TNIP1: variants seen among roughly 807,000 people sequenced by gnomAD.
TNIP1 encodes TNFAIP3-interacting protein 1.
A neutral mutation model predicts 86.6 loss-of-function variants in TNIP1; 22 were observed. The ratio of observed to expected loss-of-function variants is 0.25; its 90% CI spans 0.18 to 0.36. The LOEUF (loss-of-function observed/expected upper bound fraction) is 0.36. Ranked by LOEUF, TNIP1 falls within the 10% of genes least tolerant of loss-of-function variation. The pLI is 1.00. For synonymous variants in TNIP1, 294 were observed against 313.0 expected (o/e 0.94, Z 0.64); for missense variants, 709 against 820.6 (o/e 0.86, Z 1.66).
At chr5:151,060,599 C>A (rs539519273) in intron 4 of TNIP1, among the ~76,000 whole-genome samples, 2 of 152,310 alleles carry the variant, frequency 1.3e-5, no homozygotes, top group South Asian at 2.1e-4. Flanking sequence ...GAGGTCATAT[C>A]CCCTCGATGG....
intron 8 of TNIP1, 131 bp downstream of exon 8, chr5:151,049,693 C>G (rs867930084): frequency 8.8e-7 from 1 of 1,139,810 alleles, no homozygotes; most frequent in Admixed American, 2.1e-5. Context: ...GAAAAAAACA[C>G]GTAACAGCTA....
chr5:151,046,160 GGGTGGCTGCCA>G, intron 8 of TNIP1: 1 of 560,610 alleles, frequency 1.8e-6, no homozygotes, highest in Non-Finnish European at 3.2e-6. Flanking sequence ...CCCTGACTCA[GGGTGGCTGCCA>G]GGCCCTCTCC....
chr5:151,069,775 T>C (rs1762631304), intron 1 of TNIP1, among the ~76,000 whole-genome samples: 1 of 152,132 alleles, frequency 6.6e-6, no homozygotes, highest in African/African-American at 2.4e-5. Context: ...TATTCTAGTG[T>C]CTACTCTGCT....
chr5:151,037,279 G>A (rs531010876), intron 12 of TNIP1: 4 of 158,540 alleles, frequency 2.5e-5, no homozygotes, highest in African/African-American at 9.6e-5. Flanking sequence ...CTAAACTGGG[G>A]TTGTCATGCA....
At chr5:151,032,199 A>G in intron 17 of TNIP1, 88 bp downstream of exon 17, 2 of 1,186,424 alleles carry the variant, frequency 1.7e-6, no homozygotes, top group South Asian at 1.4e-5. Context: ...AGCAGAAACT[A>G]ACGACATCAC....
intron 8 of TNIP1, chr5:151,046,191 C>T (rs1011711007): frequency 5.6e-6 from 3 of 537,760 alleles, no homozygotes; most frequent in South Asian, 2.0e-5. Context: ...CCCTTCCCTT[C>T]TCCCCTCCCT....
At chr5:151,050,686 T>C (rs1452217984) in intron 7 of TNIP1, among the ~76,000 whole-genome samples, 1 of 152,058 alleles carries the variant, frequency 6.6e-6, no homozygotes, top group Non-Finnish European at 1.5e-5. Context: ...CAGGCTGGAG[T>C]ACAGTGGCCC....
intron 1 of TNIP1, among the ~76,000 whole-genome samples, chr5:151,067,396 C>T (rs1762361251): frequency 6.6e-6 from 1 of 152,210 alleles, no homozygotes; most frequent in African/African-American, 2.4e-5. Context: ...CTTCCTGAGG[C>T]AGGAGCGTAC....
At chr5:151,037,946 C>T (rs909076017) in intron 12 of TNIP1, among the ~76,000 whole-genome samples, 3 of 152,240 alleles carry the variant, frequency 2.0e-5, no homozygotes, top group Admixed American at 6.5e-5. Flanking sequence ...TGAGGTCCAG[C>T]GACAGGGAGA....
chr5:151,046,301 T>C (rs1249898217), intron 8 of TNIP1: 1 of 232,064 alleles, frequency 4.3e-6, no homozygotes, highest in Non-Finnish European at 8.6e-6. Flanking sequence ...GCCTGGAAGG[T>C]AAGACATTTG....
At chr5:151,041,008 CAAGA>C (rs1758344937) in intron 11 of TNIP1, among the ~76,000 whole-genome samples, 1 of 151,948 alleles carries the variant, frequency 6.6e-6, no homozygotes, top group Non-Finnish European at 1.5e-5. Context: ...TGTTTCCCCC[CAAGA>C]AAGAATCTGG....
upstream of TNIP1, among the ~76,000 whole-genome samples, chr5:151,084,809 C>T (rs576603741): frequency 1.8e-4 from 27 of 152,232 alleles, no homozygotes; most frequent in African/African-American, 6.3e-4. Context: ...GAGTGTAAGA[C>T]CCTCCAGTGG....
intron 1 of TNIP1, among the ~76,000 whole-genome samples, chr5:151,077,856 T>C (rs938043048): frequency 6.6e-6 from 1 of 152,204 alleles, no homozygotes; most frequent in African/African-American, 2.4e-5. Context: ...GGTATCAAAA[T>C]CTTTTAGGGT....
intron 11 of TNIP1, among the ~76,000 whole-genome samples, chr5:151,041,471 A>G (rs1193952802): frequency 6.6e-6 from 1 of 152,234 alleles, no homozygotes; most frequent in Non-Finnish European, 1.5e-5. Context: ...CCTGGGCTCA[A>G]GCAATCCTCC....
rs112118687 is a variant in TNIP1 at position 151,048,653 on chromosome 5, A to T, written c.846+1171T>A. On this transcript the variant is annotated intron_variant, in intron 8 of 17. Transcript: ENST00000521591. The stretch of plus-strand genomic sequence containing the variant: ...GGAAGACGAGTGGAGATTAAAGGGC[A>T]CAGGAAAAGTAAAGAGACCTGTCCA... Among the ~76,000 whole-genome samples the T allele has an allele frequency of 5.9e-5, 9 of 152,316 alleles. 2 individuals are homozygous for T. Among genetic ancestry groups the T allele is most frequent in the African/African-American group, 2.2e-4 (9 of 41,570 alleles).
Position 151,059,864 on chromosome 5 carries a change from TGTGCGCGC to T in TNIP1, c.435+446_435+453del, listed in dbSNP as rs752278029. Among the ~76,000 whole-genome samples, 541 of 98,622 alleles carry T rather than the reference TGTGCGCGC, an allele frequency of 5.5e-3. 15 individuals carry two copies. The highest frequency in any genetic ancestry group is 0.028 in the East Asian group (107 of 3,840). 64.7% of individuals were successfully genotyped at this position (98,622 alleles called of 152,430 possible). A position where few individuals can be genotyped will look rare whatever the true frequency, so the allele number is the denominator to read the frequency against. On this transcript the variant is annotated intron_variant, in intron 5 of 17. Transcript: ENST00000521591. The stretch of plus-strand genomic sequence containing the variant: ...GTGTGTGTGTGTGTGTGTGTGTGTG[TGTGCGCGC>T]GCGCGCGCGCATGCGTGTAAGTGGA...
chr5:151,081,024 G>A lies in TNIP1; in HGVS notation c.-181C>T, dbSNP rs1274463295. On this transcript the variant is annotated 5_prime_UTR_variant, in exon 1 of 18. Transcript: ENST00000521591. ...ACGGGGGCAGGGCACCCGGGCCGAG[G>A]ACGAGGAAGTGCCGGGGGCCTGGCC... The A allele has an allele frequency of 2.0e-5, 3 of 152,148 alleles. No individual in the cohort carries two copies. Among genetic ancestry groups the A allele is most frequent in the East Asian group, 1.9e-4 (1 of 5,158 alleles). The allele number at this position is 152,148 out of a possible 1,614,324, so 9.4% of individuals were successfully genotyped here.
chr5:151,034,905 G>A, intron 15 of TNIP1, 97 bp downstream of exon 15: 1 of 1,364,748 alleles, frequency 7.3e-7, no homozygotes, highest in South Asian at 1.2e-5. Context: ...AGCAGAGGAT[G>A]TCCCCACGCC....
intron 16 of TNIP1, chr5:151,033,352 C>A (rs1757172764): frequency 5.4e-6 from 2 of 371,674 alleles, no homozygotes; most frequent in Admixed American, 4.6e-5. Flanking sequence ...TCCTTCCCAC[C>A]CTGCACTCTT....
Sources: allele counts gnomAD v4.1 joint callset (sites outside exome capture counted in the v4.1 genomes callset), GRCh38; gene constraint gnomAD v4.1.1; transcripts MANE v1.5; gene names NCBI Gene and HGNC (gene_info 2026-07-23, HGNC 2026-07-21).